The following TENM4 variants were observed in gnomAD, a reference collection of about 807,000 sequenced individuals.
TENM4 encodes teneurin-4.
TENM4 carries 82 observed loss-of-function variants against 243.3 expected under a neutral mutation model. The ratio of observed to expected loss-of-function variants is 0.34; its 90% confidence interval spans 0.28 to 0.40. TENM4 has a LOEUF of 0.40. TENM4 is among the 10% of genes least tolerant of loss of function. TENM4 has a pLI of 1.00. For synonymous variants in TENM4, 1,412 were observed against 1,456.3 expected, an observed-to-expected ratio of 0.97 and a Z score of 0.69; for missense variants, 3,138 against 3,673.3, an observed-to-expected ratio of 0.85 and a Z score of 3.77.
At chr11:79,271,672 A>C (rs1025247252) in intron 2 of TENM4, among the ~76,000 whole-genome samples, 1 of 152,144 alleles carries the variant, frequency 6.6e-6, no homozygotes, top group African/African-American at 2.4e-5. Flanking sequence ...TTCAACCACA[A>C]CACTGAACTT....
intron 7 of TENM4, among the ~76,000 whole-genome samples, chr11:78,898,085 C>T (rs887857762): frequency 6.6e-6 from 1 of 152,132 alleles, no homozygotes; most frequent in African/African-American, 2.4e-5. Context: ...TTTGGGGGAC[C>T]CTAAACATAT....
At chr11:79,277,668 A>T (rs748109206) in intron 2 of TENM4, among the ~76,000 whole-genome samples, 13 of 152,212 alleles carry the variant, frequency 8.5e-5, no homozygotes, top group Admixed American at 3.9e-4. Context: ...AGGGGATGTG[A>T]ACTGGGGGCC....
intron 1 of TENM4, among the ~76,000 whole-genome samples, chr11:79,413,855 T>A (rs1019602339): frequency 3.9e-5 from 6 of 151,996 alleles, no homozygotes; most frequent in African/African-American, 1.2e-4. Flanking sequence ...TAAAAAAGAA[T>A]CATGTCTGCA....
intron 28 of TENM4, among the ~76,000 whole-genome samples, chr11:78,694,838 C>T (rs931758954): frequency 1.3e-5 from 2 of 152,172 alleles, no homozygotes; most frequent in Non-Finnish European, 2.9e-5. Context: ...CTTCTTTCCT[C>T]CAGTGCCGAA....
At chr11:78,704,116 T>C (rs927043963) in intron 27 of TENM4, among the ~76,000 whole-genome samples, 4 of 145,108 alleles carry the variant, frequency 2.8e-5, no homozygotes, top group Non-Finnish European at 6.0e-5. Flanking sequence ...TGTGTGTCTA[T>C]ATATATATAT....
At chr11:78,768,764 T>C (rs1856590739) in intron 18 of TENM4, among the ~76,000 whole-genome samples, 1 of 152,186 alleles carries the variant, frequency 6.6e-6, no homozygotes, top group African/African-American at 2.4e-5. Context: ...GGAGGCTCTA[T>C]TCCCCTGGGG....
At chr11:78,786,838 C>T (rs1184907754) in intron 16 of TENM4, 60 bp downstream of exon 16, 1 of 1,556,190 alleles carries the variant, frequency 6.4e-7, no homozygotes, top group Non-Finnish European at 8.7e-7. Flanking sequence ...TGAAATGCCC[C>T]AACAGACAAA....
chr11:78,744,952 TAATATTAGG>T (rs1856012108), intron 19 of TENM4, among the ~76,000 whole-genome samples: 1 of 152,324 alleles, frequency 6.6e-6, no homozygotes, highest in Non-Finnish European at 1.5e-5. Context: ...GGAAAGTATT[TAATATTAGG>T]AGTAGAAGAA....
At chr11:78,785,245 G>T (rs149344779) in intron 16 of TENM4, among the ~76,000 whole-genome samples, 1,790 of 152,142 alleles carry the variant, frequency 0.012, 38 homozygotes, top group African/African-American at 0.04. Flanking sequence ...TGTAAGGGAG[G>T]ATGACACCGA....
chr11:78,806,722 C>T (rs1460315119), intron 14 of TENM4, among the ~76,000 whole-genome samples: 1 of 152,166 alleles, frequency 6.6e-6, no homozygotes, highest in Non-Finnish European at 1.5e-5. Context: ...AATTTACCAC[C>T]TTAGCCACTG....
chr11:78,748,149 T>C (rs113017608), intron 19 of TENM4, among the ~76,000 whole-genome samples: 35 of 152,368 alleles, frequency 2.3e-4, no homozygotes, highest in African/African-American at 7.9e-4. Context: ...CCTGTATGTA[T>C]ACTAATGCTA....
chr11:79,098,228 C>T (rs1056335175), intron 4 of TENM4, among the ~76,000 whole-genome samples: 1 of 151,732 alleles, frequency 6.6e-6, no homozygotes, highest in African/African-American at 2.4e-5. Context: ...CCCACCCCCC[C>T]CCATCTCCCA....
At chr11:79,152,537 C>T (rs1862531486) in intron 3 of TENM4, among the ~76,000 whole-genome samples, 1 of 152,182 alleles carries the variant, frequency 6.6e-6, no homozygotes, top group African/African-American at 2.4e-5. Context: ...TTTACAGCGT[C>T]TAGAACTTTA....
Position 79,247,033 on chromosome 11 carries a change from A to G in TENM4, c.-264-31124T>C, listed in dbSNP as rs367643622. Among the ~76,000 whole-genome samples the G allele has an allele frequency of 9.7e-4, 145 of 149,082 alleles. 5 individuals are homozygous for G. In the South Asian group the frequency reaches 0.023, roughly 23 times the overall value. On this transcript the variant is annotated intron_variant, in intron 2 of 33. Transcript: ENST00000278550. ...ACCCCCAAAACAAAACCAAAATGAT[A>G]AGGCTTCTCTTCTAGAGGGAACTCC...
At chr11:78,763,694 G>A (rs1856481396) in intron 18 of TENM4, among the ~76,000 whole-genome samples, 1 of 152,182 alleles carries the variant, frequency 6.6e-6, no homozygotes, top group African/African-American at 2.4e-5. Flanking sequence ...CCTCTCCCCT[G>A]TATCTGCCCC....
chr11:78,841,459 A>G (rs1858257342), intron 12 of TENM4, among the ~76,000 whole-genome samples: 1 of 152,176 alleles, frequency 6.6e-6, no homozygotes, highest in Admixed American at 6.5e-5. Context: ...GCTGACCCTG[A>G]GATCAGTGTG....
At chr11:79,154,000 G>A (rs191575207) in intron 3 of TENM4, among the ~76,000 whole-genome samples, 2 of 152,250 alleles carry the variant, frequency 1.3e-5, no homozygotes, top group East Asian at 3.9e-4. Flanking sequence ...CAAAAACACT[G>A]GGTGTGAAAA....
intron 10 of TENM4, among the ~76,000 whole-genome samples, chr11:78,857,890 A>G (rs932401869): frequency 5.3e-5 from 8 of 152,238 alleles, no homozygotes; most frequent in Non-Finnish European, 1.2e-4. Context: ...ATAGTCTGCC[A>G]TCAGCTTTTA....
chr11:79,159,426 A>T (rs1862695007), intron 3 of TENM4, among the ~76,000 whole-genome samples: 1 of 152,200 alleles, frequency 6.6e-6, no homozygotes, highest in African/African-American at 2.4e-5. Flanking sequence ...AATGAAATAA[A>T]AAGAATAAAT....
Sources: gnomAD v4.1 joint callset for allele counts (sites outside exome capture counted in the v4.1 genomes callset) on GRCh38, gnomAD v4.1.1 for gene constraint, MANE v1.5 for transcripts, NCBI Gene and HGNC (gene_info 2026-07-23, HGNC 2026-07-21) for gene names.